Variants in KAZN observed in about 807,000 individuals in gnomAD.
KAZN encodes kazrin.
Under a neutral mutation model 87.4 loss-of-function variants are expected in KAZN, and 40 were observed. That is an observed-to-expected ratio of 0.46 (90% CI 0.36 to 0.60). The LOEUF is 0.60. KAZN is among the 20% of genes least tolerant of loss of function. The pLI is 0.00. For synonymous variants in KAZN, 466 were observed against 458.3 expected (o/e 1.02, Z -0.22); for missense variants, 898 against 1,073.9 (o/e 0.84, Z 2.29).
chr1:14,367,735 A>G (rs1348501725), intron 2 of KAZN, among the ~76,000 whole-genome samples: 1 of 152,082 alleles, frequency 6.6e-6, no homozygotes, highest in Non-Finnish European at 1.5e-5. Flanking sequence ...GTGCAAACAC[A>G]ATGTTGTCCA....
intron 1 of KAZN, among the ~76,000 whole-genome samples, chr1:13,979,963 T>G (rs1182635827): frequency 6.6e-6 from 1 of 151,642 alleles, no homozygotes; most frequent in Non-Finnish European, 1.5e-5. Context: ...AATTTAAAAT[T>G]TGCATAGAAT....
chr1:14,029,794 G>T (rs1048737573), intron 1 of KAZN, among the ~76,000 whole-genome samples: 4 of 152,044 alleles, frequency 2.6e-5, no homozygotes, highest in South Asian at 2.1e-4. Flanking sequence ...TAGATATGTG[G>T]CGTTATTTCT....
chr1:14,114,820 T>A (rs1644577929), intron 1 of KAZN, among the ~76,000 whole-genome samples: 1 of 152,166 alleles, frequency 6.6e-6, no homozygotes. Flanking sequence ...TCTAACTCCA[T>A]CCCCACAATG....
chr1:14,788,676 C>T (rs1214979627), intron 1 of KAZN, among the ~76,000 whole-genome samples: 1 of 152,084 alleles, frequency 6.6e-6, no homozygotes, highest in Non-Finnish European at 1.5e-5. Context: ...GAGGCCTGAC[C>T]GTGGTGACTC....
chr1:14,533,486 A>G (rs1476099082), intron 2 of KAZN, among the ~76,000 whole-genome samples: 1 of 152,130 alleles, frequency 6.6e-6, no homozygotes. Context: ...AAGGCCAGCA[A>G]TCTTTCCAAA....
intron 2 of KAZN, among the ~76,000 whole-genome samples, chr1:14,206,028 A>G (rs928031313): frequency 6.6e-6 from 1 of 152,032 alleles, no homozygotes; most frequent in African/African-American, 2.4e-5. Flanking sequence ...TAATAAATAA[A>G]TTTTTTAAAA....
chr1:14,739,358 C>T (rs557812635), intron 1 of KAZN, among the ~76,000 whole-genome samples: 3 of 152,172 alleles, frequency 2.0e-5, no homozygotes, highest in African/African-American at 7.2e-5. Flanking sequence ...GCTGCTACCC[C>T]ATACCCCAGC....
In KAZN at chr1:14,960,746, G is replaced by A; in HGVS notation, c.289G>A (p.Glu97Lys). 2 of 1,597,522 alleles carry A rather than the reference G, an allele frequency of 1.3e-6. No homozygotes were observed. Among genetic ancestry groups the A allele is most frequent in the Non-Finnish European group, 8.5e-7 (1 of 1,171,786 alleles). Reference sequence around the variant, plus strand: ...AGTTCACCTTCTCCGGCAGATGAAGGAGATGTTGGCGAAGGACCTGGAGGA... The same window carrying A: ...AGTTCACCTTCTCCGGCAGATGAAGAAGATGTTGGCGAAGGACCTGGAGGA... ...EEVHLLRQMKEMLAKDLEESQ... is the reference protein window; with the variant it reads ...EEVHLLRQMKKMLAKDLEESQ... The change falls in exon 2 of 15, where the codon GAG becomes AAG. Residue 97 changes from glutamate (E) to lysine (K), a missense_variant. Coordinates refer to ENST00000376030, the MANE Select transcript of KAZN (RefSeq NM_201628.3).
intron 1 of KAZN, among the ~76,000 whole-genome samples, chr1:14,804,921 C>T (rs1389258541): frequency 6.6e-6 from 1 of 152,198 alleles, no homozygotes; most frequent in East Asian, 1.9e-4. Context: ...TGGTGACCAG[C>T]TTGGCATGCC....
In KAZN at chr1:14,521,419, TAAAAAC is replaced by T. The variant is rs146210606; in HGVS notation, c.250-77562_250-77557del. ...CCAGAGCCAAAGTGAAAATTTCTGA[TAAAAAC>T]AGAAAAAGGTAAATTTCGGCTTTAT... is the stretch of plus-strand genomic sequence containing the variant. On this transcript the variant is annotated intron_variant, in intron 2 of 16. Transcript: ENST00000636203. Among the ~76,000 whole-genome samples the T allele has an allele frequency of 9.7e-3, 1,477 of 152,306 alleles. 23 individuals carry two copies. The highest frequency in any genetic ancestry group is 0.034 in the African/African-American group (1,398 of 41,562).
chr1:14,986,075 A>G (rs1351173737), intron 2 of KAZN, among the ~76,000 whole-genome samples: 1 of 151,988 alleles, frequency 6.6e-6, no homozygotes, highest in Non-Finnish European at 1.5e-5. Flanking sequence ...TTAAAGATTA[A>G]AGGACAATCA....
rs1424902895 is a variant in KAZN at position 14,564,761 on chromosome 1, C to T, written c.250-34222C>T. On this transcript the variant is annotated intron_variant, in intron 2 of 16. Coordinates refer to the KAZN transcript ENST00000636203. ...CTGGGCAGCAGAGATTGCAGTGAGC[C>T]GAGATCATACCACTGCACTCCAGCC... Among the ~76,000 whole-genome samples the T allele has an allele frequency of 5.3e-5, 8 of 151,830 alleles. No homozygotes were observed. The East Asian group carries it at 5.8e-4, about 11-fold the overall frequency.
intron 1 of KAZN, among the ~76,000 whole-genome samples, chr1:14,721,114 G>A (rs1294645611): frequency 6.6e-6 from 1 of 152,236 alleles, no homozygotes; most frequent in Non-Finnish European, 1.5e-5. Flanking sequence ...AGAGAACCAT[G>A]AAGCCCTGTT....
intron 1 of KAZN, among the ~76,000 whole-genome samples, chr1:14,897,827 C>T (rs1267847379): frequency 6.6e-6 from 1 of 152,142 alleles, no homozygotes; most frequent in South Asian, 2.1e-4. Context: ...CACAGACCTC[C>T]TGAAAGGCTC....
intron 2 of KAZN, among the ~76,000 whole-genome samples, chr1:14,469,621 A>T (rs1399580407): frequency 1.3e-5 from 2 of 152,214 alleles, no homozygotes; most frequent in African/African-American, 2.4e-5. Context: ...AAGTTAAAAA[A>T]ATTCTAGGTT....
At chr1:14,630,573 C>G (rs1257863354) in intron 1 of KAZN, among the ~76,000 whole-genome samples, 1 of 152,188 alleles carries the variant, frequency 6.6e-6, no homozygotes, top group Non-Finnish European at 1.5e-5. Context: ...GTAATGACCT[C>G]TCCACCAAAG....
intron 2 of KAZN, among the ~76,000 whole-genome samples, chr1:14,216,570 T>C (rs1646960743): frequency 6.6e-6 from 1 of 152,198 alleles, no homozygotes; most frequent in African/African-American, 2.4e-5. Flanking sequence ...AGCCTAAAGT[T>C]GGAAAAGTTA....
At chr1:14,790,743 A>G (rs908967737) in intron 1 of KAZN, among the ~76,000 whole-genome samples, 1 of 152,148 alleles carries the variant, frequency 6.6e-6, no homozygotes, top group Admixed American at 6.5e-5. Flanking sequence ...GCTGAGGCAG[A>G]GTGCAGTGGT....
At chr1:14,119,976 C>T (rs1489165880) in intron 1 of KAZN, among the ~76,000 whole-genome samples, 1 of 151,784 alleles carries the variant, frequency 6.6e-6, no homozygotes, top group Non-Finnish European at 1.5e-5. Context: ...GAAACTGAGG[C>T]ACAGATGGGG....
Sources: allele counts gnomAD v4.1 joint callset (sites outside exome capture counted in the v4.1 genomes callset), GRCh38; gene constraint gnomAD v4.1.1; transcripts MANE v1.5; gene names NCBI Gene and HGNC (gene_info 2026-07-23, HGNC 2026-07-21).